SNX29: variants seen among roughly 807,000 people sequenced by gnomAD.
SNX29 encodes sorting nexin 29, also known as sorting nexin-29.
A neutral mutation model predicts 102.1 loss-of-function variants in SNX29; 78 were observed. That is an observed-to-expected ratio of 0.76 (90% CI 0.64 to 0.92). SNX29 has a LOEUF of 0.92. Among genes scored for constraint, SNX29 ranks in the 40% least tolerant of loss-of-function variants. The pLI, the probability that SNX29 is intolerant of heterozygous loss-of-function variation, is 0.00. For missense variants in SNX29, 1,280 were observed against 1,061.7 expected (o/e 1.21, Z -2.86); for synonymous variants, 580 against 414.5 (o/e 1.40, Z -4.85).
intron 18 of SNX29, among the ~76,000 whole-genome samples, chr16:12,476,588 A>G (rs1360672152): frequency 6.7e-6 from 1 of 150,342 alleles, no homozygotes; most frequent in African/African-American, 2.4e-5. Context: ...GCAATAATGG[A>G]ATGACATTAT....
At chr16:12,185,737 G>A (rs2076494233) in intron 13 of SNX29, among the ~76,000 whole-genome samples, 1 of 152,218 alleles carries the variant, frequency 6.6e-6, no homozygotes. Context: ...TTTTCAGCTT[G>A]GTATTCAGAT....
intron 20 of SNX29, chr16:12,545,707 G>A (rs981203428): frequency 1.3e-5 from 2 of 152,280 alleles, no homozygotes. Flanking sequence ...TGCAAGGTGG[G>A]TGGCCAGAGA....
chr16:12,554,770 C>A (rs557161984), intron 20 of SNX29, among the ~76,000 whole-genome samples: 1 of 147,592 alleles, frequency 6.8e-6, no homozygotes, highest in Non-Finnish European at 1.5e-5. Context: ...GTGCTCTCTC[C>A]CCCGCCATAG....
chr16:12,397,187 C>T (rs2151489075), intron 16 of SNX29, among the ~76,000 whole-genome samples: 1 of 152,352 alleles, frequency 6.6e-6, no homozygotes, highest in East Asian at 1.9e-4. Flanking sequence ...GCCGCTTCAC[C>T]CAGTCTCCAC....
At chr16:12,153,030 T>A (rs1301717494) in intron 13 of SNX29, among the ~76,000 whole-genome samples, 8 of 152,232 alleles carry the variant, frequency 5.3e-5, no homozygotes, top group Non-Finnish European at 1.0e-4. Context: ...TGTCAGAGTG[T>A]CTCTGTAGTC....
chr16:12,539,677 C>G (rs551995590), intron 20 of SNX29, among the ~76,000 whole-genome samples: 18 of 152,322 alleles, frequency 1.2e-4, no homozygotes, highest in South Asian at 4.1e-4. Context: ...CCCAGTTGCT[C>G]TGCACCCTGG....
chr16:12,078,920 G>T lies in SNX29; in HGVS notation c.1402+5G>T. 1 of 1,595,422 alleles carries T rather than the reference G, an allele frequency of 6.3e-7. No individual in the cohort carries two copies. The highest frequency in any genetic ancestry group is 8.5e-7 in the Non-Finnish European group (1 of 1,170,890). Reference sequence around the variant, plus strand: ...TGCCAGAGTCCATGACAATTAGTAAGTACTTTCGCAGCCCCCTCCACCAGC... The same window carrying T: ...TGCCAGAGTCCATGACAATTAGTAATTACTTTCGCAGCCCCCTCCACCAGC... On this transcript the variant is annotated splice_donor_5th_base_variant and intron_variant, in intron 11 of 20. Coordinates refer to ENST00000566228, the MANE Select transcript of SNX29 (RefSeq NM_032167.5).
chr16:12,480,331 C>T (rs2087849571), intron 19 of SNX29, among the ~76,000 whole-genome samples: 1 of 152,180 alleles, frequency 6.6e-6, no homozygotes, highest in Admixed American at 6.5e-5. Context: ...CAAGGCCACC[C>T]TCATTTTTGC....
chr16:12,559,159 C>T (rs533737329), intron 20 of SNX29, among the ~76,000 whole-genome samples: 2 of 152,130 alleles, frequency 1.3e-5, no homozygotes, highest in African/African-American at 4.8e-5. Flanking sequence ...TGGCCCAGTA[C>T]CAGTCCATAG....
chr16:12,206,782 C>G (rs2077054470), intron 14 of SNX29, among the ~76,000 whole-genome samples: 2 of 151,152 alleles, frequency 1.3e-5, no homozygotes, highest in South Asian at 2.1e-4. Context: ...TGGCCCCACC[C>G]AGACCCAAAA....
chr16:12,483,123 T>TTTTTTTG lies in SNX29; in HGVS notation c.2178+5270_2178+5271insGTTTTTT, dbSNP rs1567610241. Among the ~76,000 whole-genome samples the TTTTTTTG allele has an allele frequency of 4.3e-4, 47 of 109,262 alleles. 1 individual carries two copies. The highest frequency in any genetic ancestry group is 3.8e-4 in the Non-Finnish European group (21 of 55,734). The allele number at this position is 109,262 out of a possible 152,430, so 71.7% of individuals were successfully genotyped here. ...ATATTGAAGTTATTAAGTTTTTTTTTTTTTTTTTTTTTTTTTTTTTGGAGA... is the reference window on the plus strand; with the variant it reads ...ATATTGAAGTTATTAAGTTTTTTTTTTTTTTTGTTTTTTTTTTTTTTTTTTTTGGAGA... On this transcript the variant is annotated intron_variant, in intron 19 of 20. Coordinates refer to ENST00000566228, the MANE Select transcript of SNX29 (RefSeq NM_032167.5).
intron 18 of SNX29, among the ~76,000 whole-genome samples, chr16:12,449,171 A>C (rs2086192470): frequency 6.6e-6 from 1 of 151,998 alleles, no homozygotes; most frequent in African/African-American, 2.4e-5. Context: ...GGGGATAGGG[A>C]GGAGGAATAG....
chr16:12,476,612 C>G (rs2087666272), intron 18 of SNX29, among the ~76,000 whole-genome samples: 1 of 150,738 alleles, frequency 6.6e-6, no homozygotes, highest in African/African-American at 2.4e-5. Flanking sequence ...TCCTTAAGGT[C>G]ATCAGAGACC....
rs139251750 is a variant in SNX29 at position 12,169,633 on chromosome 16, G to A, written c.1596-29968G>A. Among the ~76,000 whole-genome samples the A allele has an allele frequency of 8.9e-4, 135 of 152,320 alleles. 1 individual carries two copies. The highest frequency in any genetic ancestry group is 3.4e-3 in the Middle Eastern group (1 of 294). ...CCAGCACTCTGGGAGGCCAAGATGG[G>A]TGGATCACCTGAGGTCAGTAGTTCG... is the stretch of plus-strand genomic sequence containing the variant. On this transcript the variant is annotated intron_variant, in intron 13 of 20. Coordinates refer to ENST00000566228, the MANE Select transcript of SNX29 (RefSeq NM_032167.5).
At chr16:12,516,372 C>G (rs1245073736) in intron 19 of SNX29, among the ~76,000 whole-genome samples, 4 of 151,428 alleles carry the variant, frequency 2.6e-5, no homozygotes, top group Admixed American at 1.3e-4. Context: ...CCCAGCTACA[C>G]TGGAGGCTGA....
At chr16:12,055,289 G>A (rs350218) in intron 8 of SNX29, among the ~76,000 whole-genome samples, 112,878 of 149,388 alleles carry the variant, frequency 0.76, 43,999 homozygotes, top group African/African-American at 0.94. Context: ...GCTGGAGTAC[G>A]GTGGCACGAT....
At chr16:12,080,795 G>A (rs1439884995) in intron 11 of SNX29, among the ~76,000 whole-genome samples, 1 of 151,486 alleles carries the variant, frequency 6.6e-6, no homozygotes, top group Non-Finnish European at 1.5e-5. Flanking sequence ...GGGTTCAAGC[G>A]ATTCTCCTGC....
chr16:12,475,542 G>GT (rs1448718261), intron 18 of SNX29, among the ~76,000 whole-genome samples: 3 of 152,114 alleles, frequency 2.0e-5, no homozygotes, highest in East Asian at 3.9e-4. Flanking sequence ...TGAAAATATC[G>GT]TAAGTTGAAA....
intron 16 of SNX29, chr16:12,374,422 C>T (rs138723725): frequency 6.6e-6 from 1 of 152,326 alleles, no homozygotes; most frequent in Non-Finnish European, 1.5e-5. Flanking sequence ...AGAGGACTGC[C>T]CAAAGAGACG....
Sources: allele counts gnomAD v4.1 joint callset (sites outside exome capture counted in the v4.1 genomes callset), GRCh38; gene constraint gnomAD v4.1.1; transcripts MANE v1.5; gene names NCBI Gene and HGNC (gene_info 2026-07-23, HGNC 2026-07-21).